The following BMPER variants were observed in gnomAD, a reference collection of about 807,000 sequenced individuals.
BMPER encodes the protein BMP-binding endothelial regulator protein.
A neutral mutation model predicts 87.3 loss-of-function variants in BMPER; 45 were observed. The ratio of observed to expected loss-of-function variants is 0.52; its 90% confidence interval spans 0.41 to 0.66. BMPER has a LOEUF of 0.66. Ranked by LOEUF, BMPER falls within the 30% of genes least tolerant of loss-of-function variation. The pLI is 0.00. For synonymous variants in BMPER, 326 were observed against 316.2 expected (o/e 1.03, Z -0.33); for missense variants, 784 against 867.5 (o/e 0.90, Z 1.21).
intron 6 of BMPER, among the ~76,000 whole-genome samples, chr7:34,020,850 G>T (rs951568507): frequency 6.2e-5 from 9 of 144,864 alleles, no homozygotes; most frequent in Non-Finnish European, 1.2e-4. Flanking sequence ...TTAACAGGAT[G>T]AATTTCTTAA....
intron 13 of BMPER, among the ~76,000 whole-genome samples, chr7:34,114,562 C>G (rs957185578): frequency 6.6e-6 from 1 of 152,146 alleles, no homozygotes; most frequent in Non-Finnish European, 1.5e-5. Context: ...ATCACAATTA[C>G]AACTTAGGGA....
At chr7:33,948,941 G>C (rs1171945071) in intron 3 of BMPER, among the ~76,000 whole-genome samples, 2 of 152,114 alleles carry the variant, frequency 1.3e-5, no homozygotes, top group East Asian at 3.9e-4. Flanking sequence ...AAGTGAGAGA[G>C]AGAGAGAGAG....
intron 3 of BMPER, among the ~76,000 whole-genome samples, chr7:33,949,500 C>T (rs1450193033): frequency 6.6e-6 from 1 of 152,076 alleles, no homozygotes; most frequent in African/African-American, 2.4e-5. Flanking sequence ...TAGCTTTACT[C>T]TTAGCTAATT....
At chr7:34,010,232 G>A (rs1029581176) in intron 6 of BMPER, among the ~76,000 whole-genome samples, 1 of 151,676 alleles carries the variant, frequency 6.6e-6, no homozygotes, top group Non-Finnish European at 1.5e-5. Flanking sequence ...AGTCTTTTCT[G>A]GTCACCCTAA....
At chr7:34,119,014 T>TCTCTCTCTCTCTCTCACA (rs66493349) in intron 13 of BMPER, among the ~76,000 whole-genome samples, 43 of 135,794 alleles carry the variant, frequency 3.2e-4, no homozygotes, top group African/African-American at 1.1e-3. Flanking sequence ...TCTCTCTCTC[T>TCTCTCTCTCTCTCTCACA]CACACACACA....
chr7:34,086,449 A>T (rs1789212790), intron 13 of BMPER, among the ~76,000 whole-genome samples: 2 of 152,224 alleles, frequency 1.3e-5, no homozygotes, highest in Admixed American at 1.3e-4. Flanking sequence ...TACAAGGCAG[A>T]GCTGGTTCCC....
chr7:33,941,130 AT>A (rs1042667023), intron 3 of BMPER, among the ~76,000 whole-genome samples: 1 of 137,726 alleles, frequency 7.3e-6, no homozygotes, highest in East Asian at 2.0e-4. Flanking sequence ...TATATTATAT[AT>A]TTATATGTAA....
intron 12 of BMPER, among the ~76,000 whole-genome samples, chr7:34,083,307 T>C (rs1789104476): frequency 6.6e-6 from 1 of 152,218 alleles, no homozygotes; most frequent in Non-Finnish European, 1.5e-5. Context: ...GGTTTCCAGC[T>C]GTATGTCCCT....
intron 14 of BMPER, among the ~76,000 whole-genome samples, chr7:34,150,350 AGG>A (rs1791139990): frequency 6.6e-6 from 1 of 151,588 alleles, no homozygotes; most frequent in African/African-American, 2.4e-5. Context: ...TCGGAAGGAA[AGG>A]GAGAGTGTTT....
intron 13 of BMPER, among the ~76,000 whole-genome samples, chr7:34,128,546 A>G (rs1187081487): frequency 6.6e-6 from 1 of 152,242 alleles, no homozygotes; most frequent in Non-Finnish European, 1.5e-5. Flanking sequence ...TGCTGGAAGT[A>G]AAATAAATAA....
At chr7:33,928,534 G>A (rs751521452) in intron 2 of BMPER, among the ~76,000 whole-genome samples, 4 of 150,418 alleles carry the variant, frequency 2.7e-5, no homozygotes, top group Admixed American at 6.6e-5. Context: ...TAAACAGAAT[G>A]AGGAGCTGTT....
intron 6 of BMPER, among the ~76,000 whole-genome samples, chr7:34,045,182 A>G (rs753773004): frequency 5.3e-5 from 8 of 152,196 alleles, no homozygotes; most frequent in African/African-American, 7.2e-5. Flanking sequence ...TGAGTGATCT[A>G]TTTACCAAAT....
At position 33,910,567 on chromosome 7, in the gene BMPER, C is replaced by G. The variant is rs118020178; in HGVS notation, c.219+3664C>G. 1.1e-4 allele frequency among the ~76,000 whole-genome samples: 16 copies of G among 152,286 alleles called. No individual in the cohort carries two copies. In the East Asian group the frequency reaches 2.5e-3, roughly 24 times the overall value. ...TTTGGAGGCTGGGACTCAGAAAACC[C>G]GAAGTCAGAGCTTAGTTTGGCGTAC... On this transcript the variant is annotated intron_variant, in intron 2 of 14. Transcript: ENST00000649409.
chr7:33,993,823 A>T (rs987066224), intron 6 of BMPER, among the ~76,000 whole-genome samples: 15 of 152,076 alleles, frequency 9.9e-5, no homozygotes, highest in African/African-American at 3.4e-4. Flanking sequence ...TCTGTTTGTT[A>T]GTTTTCCTTC....
chr7:33,932,947 C>T (rs1784515935), intron 2 of BMPER, among the ~76,000 whole-genome samples: 2 of 152,196 alleles, frequency 1.3e-5, no homozygotes, highest in African/African-American at 4.8e-5. Flanking sequence ...GCCCTACGCT[C>T]ATGGGAGAGC....
At chr7:33,944,132 A>G (rs1211102523) in intron 3 of BMPER, among the ~76,000 whole-genome samples, 2 of 152,008 alleles carry the variant, frequency 1.3e-5, no homozygotes, top group African/African-American at 4.8e-5. Context: ...ATTTTTAAGA[A>G]TGATTTTTTT....
chr7:34,136,643 T>A (rs911978101), intron 13 of BMPER, among the ~76,000 whole-genome samples: 7 of 152,184 alleles, frequency 4.6e-5, no homozygotes, highest in Admixed American at 2.0e-4. Flanking sequence ...CCTAGATATG[T>A]GGAACAAGGA....
At chr7:33,999,518 A>G (rs1441189646) in intron 6 of BMPER, among the ~76,000 whole-genome samples, 2 of 152,226 alleles carry the variant, frequency 1.3e-5, no homozygotes, top group East Asian at 1.9e-4. Context: ...TTGTTATAGC[A>G]TTTATAGAAG....
At chr7:33,959,310 TATA>T (rs1002059401) in intron 3 of BMPER, among the ~76,000 whole-genome samples, 1 of 152,230 alleles carries the variant, frequency 6.6e-6, no homozygotes, top group African/African-American at 2.4e-5. Context: ...AGATTATTTG[TATA>T]ATATTTTTCA....
Sources: allele counts gnomAD v4.1 joint callset (sites outside exome capture counted in the v4.1 genomes callset), GRCh38; gene constraint gnomAD v4.1.1; transcripts MANE v1.5; gene names NCBI Gene and HGNC (gene_info 2026-07-23, HGNC 2026-07-21).